COL26A1: variants seen among roughly 807,000 people sequenced by gnomAD.
The protein encoded by COL26A1 is collagen alpha-1(XXVI) chain.
In COL26A1, 41 loss-of-function variants were observed where a neutral mutation model predicts 59.3. The ratio of observed to expected loss-of-function variants is 0.69; its 90% CI spans 0.54 to 0.90. The LOEUF (loss-of-function observed/expected upper bound fraction) is 0.90, where lower values mean the gene tolerates loss of function less well. COL26A1 is among the 40% of genes least tolerant of loss of function. The pLI is 0.00. For missense variants in COL26A1, 612 were observed against 602.3 expected (o/e 1.02, Z -0.17); for synonymous variants, 266 against 256.0 (o/e 1.04, Z -0.37).
intron 3 of COL26A1, among the ~76,000 whole-genome samples, chr7:101,486,385 G>A (rs1490600086): frequency 1.3e-5 from 2 of 152,168 alleles, no homozygotes; most frequent in African/African-American, 4.8e-5. Context: ...TCTGAAGCCC[G>A]GTCTTGGGGT....
chr7:101,510,777 C>T (rs1368099424), intron 3 of COL26A1, among the ~76,000 whole-genome samples: 1 of 151,500 alleles, frequency 6.6e-6, no homozygotes, highest in African/African-American at 2.4e-5. Flanking sequence ...GCTTTGGCCT[C>T]CCAGAACATT....
At chr7:101,417,610 A>C (rs75896442) in intron 1 of COL26A1, among the ~76,000 whole-genome samples, 13,123 of 136,724 alleles carry the variant, frequency 0.096, 1,418 homozygotes, top group African/African-American at 0.25. Flanking sequence ...AGGTATATCT[A>C]TATATCTAGA....
In COL26A1 at chr7:101,539,890, C is replaced by G; in HGVS notation, c.448-3C>G. ...ACCTGACTCTCTATCTCCTTTGGCC[C>G]AGGTCCTCCTGCTAGAAGCAGCAGA... is the stretch of plus-strand genomic sequence containing the variant. On this transcript the variant is annotated splice_polypyrimidine_tract_variant and splice_region_variant and intron_variant, in intron 4 of 12. Transcript: ENST00000313669. The G allele has an allele frequency of 6.2e-7, 1 of 1,610,284 alleles. No homozygotes were observed.
In COL26A1 at chr7:101,419,077, TCC is replaced by T. The variant is rs1394377101; in HGVS notation, c.159-897_159-896del. The stretch of plus-strand genomic sequence containing the variant: ...CTCTCTCTTTCTCTCTCATTCCTCC[TCC>T]CCTCCCCTCCCCTCCCCTCCCCTCC... On this transcript the variant is annotated intron_variant, in intron 1 of 12. Coordinates refer to ENST00000313669, the MANE Select transcript of COL26A1 (RefSeq NM_001278563.3). Among the ~76,000 whole-genome samples, 11 of 2,550 alleles carry T rather than the reference TCC, an allele frequency of 4.3e-3. 1 individual carries two copies. In the African/African-American group the frequency reaches 0.044, roughly 10 times the overall value. 1.7% of individuals were successfully genotyped at this position (2,550 alleles called of 152,430 possible).
intron 3 of COL26A1, among the ~76,000 whole-genome samples, chr7:101,474,622 A>G (rs1793989447): frequency 1.3e-5 from 2 of 152,046 alleles, no homozygotes. Context: ...AAAATAAAAT[A>G]CAGGGTTGCA....
chr7:101,475,152 C>T (rs1027219385), intron 3 of COL26A1, among the ~76,000 whole-genome samples: 13 of 150,838 alleles, frequency 8.6e-5, no homozygotes, highest in East Asian at 1.9e-4. Context: ...GCCGAGATCG[C>T]GCCACTGCAC....
chr7:101,362,838 G>A (rs947151800), upstream of COL26A1: 29 of 568,368 alleles, frequency 5.1e-5, no homozygotes, highest in Admixed American at 1.5e-4. Flanking sequence ...AGCCCACCTC[G>A]CCGAATTTGA....
At chr7:101,457,763 G>A (rs183406889) in intron 3 of COL26A1, among the ~76,000 whole-genome samples, 133 of 152,078 alleles carry the variant, frequency 8.7e-4, no homozygotes, top group African/African-American at 3.1e-3. Flanking sequence ...TTTGTGTATG[G>A]TTTGTTTCAC....
chr7:101,433,916 T>C (rs187318253), intron 2 of COL26A1, among the ~76,000 whole-genome samples: 16 of 152,262 alleles, frequency 1.1e-4, no homozygotes, highest in Non-Finnish European at 1.9e-4. Context: ...GACCAGCACA[T>C]TGAGGTGCTC....
At chr7:101,466,837 T>TGTGTGTGTGTGTGTGTGTGAGAGA (rs764059657) in intron 3 of COL26A1, among the ~76,000 whole-genome samples, 1 of 122,714 alleles carries the variant, frequency 8.1e-6, no homozygotes, top group African/African-American at 3.2e-5. Flanking sequence ...TGTGTGTGTG[T>TGTGTGTGTGTGTGTGTGTGAGAGA]GAGAGAGAGA....
chr7:101,458,095 C>G (rs1307155210), intron 3 of COL26A1, among the ~76,000 whole-genome samples: 1 of 151,978 alleles, frequency 6.6e-6, no homozygotes, highest in African/African-American at 2.4e-5. Flanking sequence ...GGGCTTTCAC[C>G]ATGTTGGCCA....
intron 2 of COL26A1, among the ~76,000 whole-genome samples, chr7:101,445,816 G>A (rs1584414087): frequency 1.3e-5 from 2 of 150,366 alleles, no homozygotes; most frequent in East Asian, 2.0e-4. Flanking sequence ...TTGGGAGGCC[G>A]AGGTGGGCGG....
At chr7:101,490,240 T>A (rs1394808163) in intron 3 of COL26A1, among the ~76,000 whole-genome samples, 3 of 151,930 alleles carry the variant, frequency 2.0e-5, no homozygotes, top group Non-Finnish European at 4.4e-5. Context: ...CGGGCCTTTT[T>A]AAAATTTTTA....
At chr7:101,417,704 CTATAGATATCTATATCTATAATATATT>C (rs1792412255) in intron 1 of COL26A1, among the ~76,000 whole-genome samples, 1 of 147,518 alleles carries the variant, frequency 6.8e-6, no homozygotes, top group African/African-American at 2.5e-5. Context: ...AGAGATATAT[CTATAGATATCTATATCTATAATATATT>C]TATATCTTGA....
chr7:101,369,689 CTG>C (rs761183594), intron 1 of COL26A1, among the ~76,000 whole-genome samples: 2 of 151,612 alleles, frequency 1.3e-5, no homozygotes, highest in Non-Finnish European at 2.9e-5. Context: ...GTGTGAGTGA[CTG>C]TATTTATTCA....
intron 3 of COL26A1, among the ~76,000 whole-genome samples, chr7:101,503,533 TCAC>T (rs1453217460): frequency 2.6e-5 from 4 of 152,088 alleles, no homozygotes; most frequent in African/African-American, 9.7e-5. Context: ...CAGGTGTACA[TCAC>T]CACACCTGGC....
intron 3 of COL26A1, among the ~76,000 whole-genome samples, chr7:101,468,320 G>T (rs1383939162): frequency 3.3e-5 from 5 of 151,554 alleles, no homozygotes; most frequent in African/African-American, 1.2e-4. Context: ...AAAAATAAAA[G>T]AAATTATTTT....
intron 3 of COL26A1, among the ~76,000 whole-genome samples, chr7:101,517,930 C>T (rs6953507): frequency 0.45 from 67,980 of 150,482 alleles, 16,105 homozygotes; most frequent in African/African-American, 0.55. Flanking sequence ...CCTCCCACCT[C>T]GGCCTCCCGA....
chr7:101,443,132 T>C (rs1793102977), intron 2 of COL26A1, among the ~76,000 whole-genome samples: 1 of 152,126 alleles, frequency 6.6e-6, no homozygotes, highest in African/African-American at 2.4e-5. Context: ...AGTCACTTGC[T>C]GTAAGGAGGG....
Sources: gnomAD v4.1 joint callset for allele counts (sites outside exome capture counted in the v4.1 genomes callset) on GRCh38, gnomAD v4.1.1 for gene constraint, MANE v1.5 for transcripts, NCBI Gene and HGNC (gene_info 2026-07-23, HGNC 2026-07-21) for gene names.